The following SEPTIN11 variants were observed in gnomAD, a reference collection of about 807,000 sequenced individuals.
The protein encoded by SEPTIN11 is septin 11, also known as septin-11.
Under a neutral mutation model 51.4 loss-of-function variants are expected in SEPTIN11, and 25 were observed. That is an observed-to-expected ratio of 0.49 (90% CI 0.35 to 0.68). The LOEUF is 0.68. Ranked by LOEUF, SEPTIN11 falls within the 30% of genes least tolerant of loss-of-function variation. The pLI is 0.00. For synonymous variants in SEPTIN11, 174 were observed against 184.1 expected, an observed-to-expected ratio of 0.95 and a Z score of 0.44; for missense variants, 381 against 520.8, an observed-to-expected ratio of 0.73 and a Z score of 2.61.
intron 2 of SEPTIN11, among the ~76,000 whole-genome samples, chr4:77,005,351 AAAG>A (rs1333325631): frequency 1.3e-5 from 2 of 152,250 alleles, no homozygotes; most frequent in Non-Finnish European, 2.9e-5. Flanking sequence ...ATTCAGAGGT[AAAG>A]AAGAATCTCT....
intron 1 of SEPTIN11, among the ~76,000 whole-genome samples, chr4:76,955,433 A>T (rs77127581): frequency 0.028 from 4,266 of 152,260 alleles, 99 homozygotes; most frequent in East Asian, 0.11. Flanking sequence ...CTCTTAAGAA[A>T]TCCAATGTAG....
intron 1 of SEPTIN11, among the ~76,000 whole-genome samples, chr4:76,975,403 C>T (rs1290695535): frequency 1.3e-5 from 2 of 152,124 alleles, no homozygotes; most frequent in Non-Finnish European, 2.9e-5. Context: ...TTTGTTGCAA[C>T]TTCAATCCGC....
At chr4:76,970,943 C>T (rs943519230) in intron 1 of SEPTIN11, among the ~76,000 whole-genome samples, 1 of 152,146 alleles carries the variant, frequency 6.6e-6, no homozygotes, top group African/African-American at 2.4e-5. Flanking sequence ...TACCAACATG[C>T]TTGATGAAAG....
At chr4:77,034,393 T>C in intron 9 of SEPTIN11, 104 bp from the exon 10 acceptor site, 1 of 982,198 alleles carries the variant, frequency 1.0e-6, no homozygotes, top group South Asian at 2.3e-5. Flanking sequence ...AATCATTGCA[T>C]GAGCATTCAC....
At chr4:77,033,120 C>G (rs1726780821) in intron 9 of SEPTIN11, among the ~76,000 whole-genome samples, 2 of 151,750 alleles carry the variant, frequency 1.3e-5, no homozygotes. Flanking sequence ...TACATTTGTA[C>G]AGTGAAAGCA....
chr4:76,963,922 T>C (rs1041337913), intron 1 of SEPTIN11, among the ~76,000 whole-genome samples: 2 of 152,166 alleles, frequency 1.3e-5, no homozygotes, highest in East Asian at 3.9e-4. Context: ...TCATTTACAT[T>C]AGGTATATCT....
chr4:77,004,107 C>T (rs1002044296), intron 2 of SEPTIN11, among the ~76,000 whole-genome samples: 4 of 152,020 alleles, frequency 2.6e-5, no homozygotes, highest in African/African-American at 9.7e-5. Flanking sequence ...GTCTTTGACT[C>T]AACAATAAGA....
intron 8 of SEPTIN11, among the ~76,000 whole-genome samples, chr4:77,029,956 G>C (rs1020143392): frequency 5.3e-5 from 8 of 152,032 alleles, no homozygotes; most frequent in Admixed American, 5.2e-4. Context: ...TGAGTTTTTT[G>C]TTGGGATCAT....
Position 77,038,285 on chromosome 4 carries a change from ATATGCCT to A in SEPTIN11, c.*3776_*3782del. ...TATTTCTTAATTTTAAAATATGCTG[ATATGCCT>A]TAAACTGTAGTTGTAGATCCTTGTC... On this transcript the variant is annotated 3_prime_UTR_variant, in exon 10 of 10. Coordinates refer to ENST00000264893, the MANE Select transcript of SEPTIN11 (RefSeq NM_018243.4). The A allele has an allele frequency of 1.0e-6, 1 of 985,626 alleles. No homozygotes were observed. Among genetic ancestry groups the A allele is most frequent in the South Asian group, 4.7e-5 (1 of 21,282 alleles). The allele number at this position is 985,626 out of a possible 1,614,324, so 61.1% of individuals were successfully genotyped here.
intron 2 of SEPTIN11, among the ~76,000 whole-genome samples, chr4:77,001,301 G>C (rs1724103152): frequency 6.6e-6 from 1 of 151,804 alleles, no homozygotes; most frequent in Non-Finnish European, 1.5e-5. Context: ...TATCACAGTG[G>C]CATATCTCTG....
intron 8 of SEPTIN11, 136 bp downstream of exon 8, chr4:77,028,897 C>A: frequency 2.3e-6 from 2 of 868,252 alleles, no homozygotes; most frequent in Non-Finnish European, 3.4e-6. Context: ...CCAACCTGGC[C>A]AGGAAAATGG....
chr4:77,017,350 A>G (rs1725376183), intron 5 of SEPTIN11, among the ~76,000 whole-genome samples: 1 of 152,164 alleles, frequency 6.6e-6, no homozygotes, highest in African/African-American at 2.4e-5. Flanking sequence ...TTCATTACAA[A>G]CTATTCTTGC....
intron 3 of SEPTIN11, among the ~76,000 whole-genome samples, chr4:77,010,864 G>T (rs994116080): frequency 6.6e-6 from 1 of 152,218 alleles, no homozygotes; most frequent in Non-Finnish European, 1.5e-5. Flanking sequence ...GAAAGAATTA[G>T]TGGGTTTCCC....
At chr4:77,018,385 C>G (rs2109967203) in intron 5 of SEPTIN11, among the ~76,000 whole-genome samples, 1 of 151,474 alleles carries the variant, frequency 6.6e-6, no homozygotes, top group East Asian at 2.0e-4. Flanking sequence ...GAGGGCAGAG[C>G]TTGCAGTGAG....
At chr4:76,995,900 G>A in intron 1 of SEPTIN11, 2 of 1,535,658 alleles carry the variant, frequency 1.3e-6, no homozygotes, top group Non-Finnish European at 1.7e-6. Context: ...GAGGAAACCA[G>A]CTCATGTGCT....
intron 1 of SEPTIN11, chr4:76,958,971 C>T: frequency 1.1e-6 from 1 of 933,340 alleles, no homozygotes; most frequent in Non-Finnish European, 1.8e-6. Flanking sequence ...ACTTCATACT[C>T]TAAAGCAACA....
chr4:77,000,770 T>C (rs934669968), intron 2 of SEPTIN11, among the ~76,000 whole-genome samples: 4 of 152,212 alleles, frequency 2.6e-5, no homozygotes, highest in African/African-American at 9.7e-5. Flanking sequence ...AATTGTTTAA[T>C]GAAATGCCAG....
At chr4:77,022,490 T>C (rs1725786630) in intron 7 of SEPTIN11, among the ~76,000 whole-genome samples, 1 of 152,228 alleles carries the variant, frequency 6.6e-6, no homozygotes, top group South Asian at 2.1e-4. Context: ...CCAAACGGTC[T>C]CTGTCACAAC....
At chr4:77,011,978 A>G in intron 4 of SEPTIN11, 57 bp downstream of exon 4, 1 of 1,471,706 alleles carries the variant, frequency 6.8e-7, no homozygotes, top group Non-Finnish European at 9.4e-7. Flanking sequence ...CTTTATCCTA[A>G]TGCCCTAATT....
Sources: gnomAD v4.1 joint callset for allele counts (sites outside exome capture counted in the v4.1 genomes callset) on GRCh38, gnomAD v4.1.1 for gene constraint, MANE v1.5 for transcripts, NCBI Gene and HGNC (gene_info 2026-07-23, HGNC 2026-07-21) for gene names.